The following CYBA variants were observed in gnomAD, a reference collection of about 807,000 sequenced individuals.
CYBA encodes the protein cytochrome b-245 alpha chain, also known as cytochrome b-245 light chain.
CYBA carries 21 observed loss-of-function variants against 20.8 expected under a neutral mutation model. That is an observed-to-expected ratio of 1.01 (90% confidence interval 0.72 to 1.46). CYBA has a LOEUF of 1.46. CYBA is among the 40% of genes most tolerant of loss of function. The pLI is 0.00. For missense variants in CYBA, 344 were observed against 287.0 expected (o/e 1.20, Z -1.43); for synonymous variants, 164 against 127.5 (o/e 1.29, Z -1.93).
intron 2 of CYBA, chr16:88,647,573 A>G (rs1482415544): frequency 5.5e-6 from 2 of 365,084 alleles, no homozygotes; most frequent in Non-Finnish European, 1.1e-5. Context: ...GAGGTCACAG[A>G]GCCAGGAGGC....
At chr16:88,650,845 T>C in intron 1 of CYBA, 111 bp downstream of exon 1, 2 of 1,211,174 alleles carry the variant, frequency 1.7e-6, no homozygotes, top group Non-Finnish European at 1.2e-6. Flanking sequence ...CGGCCCGGCC[T>C]GGCCCGCCTG....
chr16:88,648,620 G>GTT (rs532880870), intron 1 of CYBA, among the ~76,000 whole-genome samples: 7 of 140,396 alleles, frequency 5.0e-5, no homozygotes, highest in Non-Finnish European at 6.2e-5. Context: ...CCCCCTTACT[G>GTT]TTTTTTTTTT....
At chr16:88,644,040 G>T (rs905861910) in intron 5 of CYBA, among the ~76,000 whole-genome samples, 1 of 152,216 alleles carries the variant, frequency 6.6e-6, no homozygotes, top group East Asian at 1.9e-4. Context: ...TGGGGGTGGT[G>T]GGGGGAGAGC....
chr16:88,647,966 C>A, intron 2 of CYBA, 79 bp downstream of exon 2: 1 of 1,396,392 alleles, frequency 7.2e-7, no homozygotes, highest in South Asian at 1.2e-5. Flanking sequence ...GGAGCGGAGG[C>A]AAACAGCTCA....
At position 88,643,515 on chromosome 16, in the gene CYBA, C is replaced by T. The variant is rs771202971; in HGVS notation, c.426G>A (p.Pro142=). 6 of 1,534,540 alleles carry T rather than the reference C, an allele frequency of 3.9e-6. No homozygotes were observed. The highest frequency in any genetic ancestry group is 4.4e-6 in the Non-Finnish European group (5 of 1,146,346). The change falls in exon 6 of 6, where the codon CCG becomes CCA. Residue 142 remains proline (P), a synonymous_variant. Transcript: ENST00000261623. The surrounding 1 kb of genome is among the most constrained non-coding windows in gnomAD (Gnocchi z 4.3). ...TPIEPKPRER[P]QIGGTIKQPP... is the part of the protein sequence containing the mutation. ...GCTGCTTGATGGTGCCTCCGATCTG[C>T]GGCCGCTCCCGGGGCTTGGGCTCGA...
chr16:88,646,414 G>A (rs374369219), intron 4 of CYBA: 16 of 248,906 alleles, frequency 6.4e-5, no homozygotes, highest in Admixed American at 1.8e-4. Flanking sequence ...AAGCAGCCAC[G>A]TGTGGGTGTC....
chr16:88,645,964 G>A (rs990162412), intron 5 of CYBA, 152 bp downstream of exon 5: 49 of 671,670 alleles, frequency 7.3e-5, no homozygotes, highest in Non-Finnish European at 1.2e-4. Context: ...CTGCGTCCCC[G>A]CCGTGCTGTG....
In CYBA at chr16:88,648,127, G is replaced by C. The variant is rs1356226217; in HGVS notation, c.59-13C>G. The C allele has an allele frequency of 2.4e-5, 39 of 1,608,480 alleles. No homozygotes were observed. The highest frequency in any genetic ancestry group is 3.2e-5 in the Non-Finnish European group (38 of 1,178,536). On this transcript the variant is annotated splice_polypyrimidine_tract_variant and intron_variant, in intron 1 of 5. Transcript: ENST00000261623. ...CCGGTGATGAGGACTGCGGGGAGAAGTGGGTCAGGCACTGTGGGGCTCCCG... is the reference window on the plus strand; with the variant it reads ...CCGGTGATGAGGACTGCGGGGAGAACTGGGTCAGGCACTGTGGGGCTCCCG...
rs767870349 is a variant in CYBA, at chr16:88,648,109, TGAG to T, written c.61_63del (p.Leu21del). 1.2e-6 allele frequency: 2 copies of T among 1,611,706 alleles called. No individual in the cohort carries two copies. Among genetic ancestry groups the T allele is most frequent in the Admixed American group, 3.3e-5 (2 of 59,810 alleles). ...GCTGTGGCCACGATGCCCCCGGTGATGAGGACTGCGGGGAGAAGTGGGTCAGGC... is the reference window on the plus strand; with the variant it reads ...GCTGTGGCCACGATGCCCCCGGTGATGACTGCGGGGAGAAGTGGGTCAGGC... On this transcript the variant is annotated inframe_deletion and splice_region_variant, in exon 2 of 6. Transcript: ENST00000261623.
Position 88,643,398 on chromosome 16 carries a change from T to C in CYBA, c.543A>G (p.Gly181=), listed in dbSNP as rs2142869433. The change falls in exon 6 of 6, where the codon GGA becomes GGG. Residue 181 remains glycine, a synonymous_variant. Coordinates refer to ENST00000261623, the MANE Select transcript of CYBA (RefSeq NM_000101.4). The surrounding 1 kb of genome is among the most constrained non-coding windows in gnomAD (Gnocchi z 4.3). ...CCGGGATGGGGTTGACCTGGGGACC[T>C]CCCGGGGGTCCCCCCGCCGCCACCG... is the stretch of plus-strand genomic sequence containing the variant. ...EAAVAAGGPP[G]GPQVNPIPVT... is the part of the protein sequence containing the mutation. The C allele has an allele frequency of 6.5e-7, 1 of 1,530,666 alleles. No individual in the cohort carries two copies. Among genetic ancestry groups the C allele is most frequent in the Non-Finnish European group, 8.8e-7 (1 of 1,141,316 alleles). The allele number at this position is 1,530,666 out of a possible 1,614,324, so 94.8% of individuals were successfully genotyped here. A position where few individuals can be genotyped will look rare whatever the true frequency, so the allele number is the denominator to read the frequency against.
Position 88,646,234 on chromosome 16 carries a change from G to T in CYBA, c.288-37C>A, listed in dbSNP as rs780581589. 1.6e-5 allele frequency: 18 copies of T among 1,146,548 alleles called. No individual in the cohort carries two copies. In the Middle Eastern group the frequency reaches 1.0e-3, roughly 67 times the overall value. 71.0% of individuals were successfully genotyped at this position (1,146,548 alleles called of 1,614,324 possible). A position where few individuals can be genotyped will look rare whatever the true frequency, so the allele number is the denominator to read the frequency against. ...CGGGTGAGAGGCAGGGACACAGAAG[G>T]GCACTCAGAAAGGGGAACGGAGCCC... On this transcript the variant is annotated intron_variant, in intron 4 of 5. Transcript: ENST00000261623.
At position 88,643,402 on chromosome 16, in the gene CYBA, G is replaced by C. The variant is rs1207976536; in HGVS notation, c.539C>G (p.Pro180Arg). Residue 180 changes from proline to arginine, a missense_variant, in exon 6 of 6, where the codon CCG (proline) becomes CGG (arginine). Coordinates refer to ENST00000261623, the MANE Select transcript of CYBA (RefSeq NM_000101.4). The surrounding 1 kb of genome is among the most constrained non-coding windows in gnomAD (Gnocchi z 4.3). ...EEAAVAAGGP[P>R]GGPQVNPIPV... ...GATGGGGTTGACCTGGGGACCTCCC[G>C]GGGGTCCCCCCGCCGCCACCGCAGC... The C allele has an allele frequency of 6.5e-7, 1 of 1,534,512 alleles. No homozygotes were observed. The highest frequency in any genetic ancestry group is 8.7e-7 in the Non-Finnish European group (1 of 1,143,374).
chr16:88,643,450 C>T lies in CYBA; in HGVS notation c.491G>A (p.Arg164His), dbSNP rs904612575. The T allele has an allele frequency of 6.0e-5, 92 of 1,533,008 alleles. No individual in the cohort carries two copies. The highest frequency in any genetic ancestry group is 6.0e-4 in the African/African-American group (43 of 72,042). The allele number at this position is 1,533,008 out of a possible 1,614,324, so 95.0% of individuals were successfully genotyped here. A position where few individuals can be genotyped will look rare whatever the true frequency, so the allele number is the denominator to read the frequency against. The change falls in exon 6 of 6, where the codon CGC (arginine) becomes CAC (histidine). Residue 164 changes from arginine (R) to histidine (H), a missense_variant. Physicochemically the swap from Arg to His is conservative, Grantham distance 29. Coordinates refer to ENST00000261623, the MANE Select transcript of CYBA (RefSeq NM_000101.4). The surrounding 1 kb of genome is among the most constrained non-coding windows in gnomAD (Gnocchi z 4.3). Reference protein sequence around the residue: ...NPPPRPPAEARKKPSEEEAAV... With the variant: ...NPPPRPPAEAHKKPSEEEAAV... ...AGCCTCCTCCTCGCTGGGCTTCTTG[C>T]GGGCCTCGGCCGGGGGCCGCGGCGG...
intron 1 of CYBA, among the ~76,000 whole-genome samples, chr16:88,649,079 G>A (rs564256974): frequency 9.3e-5 from 11 of 118,906 alleles, no homozygotes; most frequent in East Asian, 3.9e-4. Flanking sequence ...CTGGGACTAT[G>A]CGCGCCTGCC....
At chr16:88,646,061 G>T (rs1369584327) in intron 5 of CYBA, 55 bp downstream of exon 5, 1 of 1,440,284 alleles carries the variant, frequency 6.9e-7, no homozygotes, top group African/African-American at 1.4e-5. Context: ...GAGGGTGTCA[G>T]GGCAGGGGCT....
intron 4 of CYBA, chr16:88,646,401 A>C: frequency 5.2e-6 from 1 of 192,864 alleles, no homozygotes; most frequent in East Asian, 3.6e-4. Flanking sequence ...ACTTGCTCGG[A>C]GGAAGCAGCC....
At chr16:88,644,185 G>A (rs1471681572) in intron 5 of CYBA, among the ~76,000 whole-genome samples, 1 of 152,216 alleles carries the variant, frequency 6.6e-6, no homozygotes, top group Non-Finnish European at 1.5e-5. Flanking sequence ...ATATCTGGTG[G>A]AAAAATATGT....
chr16:88,645,104 T>C, intron 5 of CYBA: 2 of 692,466 alleles, frequency 2.9e-6, no homozygotes, highest in South Asian at 1.5e-5. Context: ...GGCTGATGCC[T>C]GACCCAGCAA....
intron 5 of CYBA, 82 bp downstream of exon 5, chr16:88,646,034 A>C: frequency 8.3e-7 from 1 of 1,204,310 alleles, no homozygotes; most frequent in South Asian, 1.3e-5. Flanking sequence ...AGCCGGCTTC[A>C]AGGGCCATGC....
Sources: allele counts gnomAD v4.1 joint callset (sites outside exome capture counted in the v4.1 genomes callset), GRCh38; gene constraint gnomAD v4.1.1; non-coding constraint Gnocchi (gnomAD v3.1); transcripts MANE v1.5; gene names NCBI Gene and HGNC (gene_info 2026-07-23, HGNC 2026-07-21).